PTGER3: variants seen among roughly 807,000 people sequenced by gnomAD.
The protein encoded by PTGER3 is prostaglandin E2 receptor EP3 subtype.
A neutral mutation model predicts 34.7 loss-of-function variants in PTGER3; 22 were observed. The ratio of observed to expected loss-of-function variants is 0.63; its 90% CI spans 0.45 to 0.91. The LOEUF (loss-of-function observed/expected upper bound fraction) is 0.91. PTGER3 is among the 40% of genes least tolerant of loss of function. PTGER3 has a pLI of 0.00. For synonymous variants in PTGER3, 241 were observed against 230.1 expected (o/e 1.05, Z -0.43); for missense variants, 468 against 519.4 (o/e 0.90, Z 0.96).
chr1:70,913,121 A>G (rs1029460101), intron 4 of PTGER3, among the ~76,000 whole-genome samples: 1 of 151,960 alleles, frequency 6.6e-6, no homozygotes, highest in African/African-American at 2.4e-5. Flanking sequence ...TCATTTTGTG[A>G]ACACAGTATA....
intron 4 of PTGER3, among the ~76,000 whole-genome samples, chr1:70,935,672 A>AATATATATATATATATATATATATAT (rs10577850): frequency 2.1e-4 from 29 of 140,214 alleles, no homozygotes; most frequent in African/African-American, 7.1e-4. Flanking sequence ...TACAAATATA[A>AATATATATATATATATATATATATAT]ATATATATAT....
At chr1:70,996,286 G>C (rs1158931665) in intron 2 of PTGER3, among the ~76,000 whole-genome samples, 8 of 151,568 alleles carry the variant, frequency 5.3e-5, no homozygotes, top group Non-Finnish European at 1.5e-5. Flanking sequence ...TAGTAATTAG[G>C]CTTGACTTAC....
At chr1:70,977,176 A>G (rs1653789010) in intron 2 of PTGER3, among the ~76,000 whole-genome samples, 1 of 152,106 alleles carries the variant, frequency 6.6e-6, no homozygotes, top group Non-Finnish European at 1.5e-5. Context: ...TTATTTTCCT[A>G]TGGCAATTCT....
At chr1:70,905,664 G>A (rs1045976742) in intron 4 of PTGER3, among the ~76,000 whole-genome samples, 1 of 152,016 alleles carries the variant, frequency 6.6e-6, no homozygotes, top group South Asian at 2.1e-4. Context: ...TCTACCCAAC[G>A]CCTGTACCCT....
chr1:71,037,640 A>C (rs1659955989), intron 1 of PTGER3, among the ~76,000 whole-genome samples: 2 of 152,326 alleles, frequency 1.3e-5, no homozygotes, highest in South Asian at 4.1e-4. Context: ...GGGACGATTT[A>C]ATCTATTTAG....
exon 4 of PTGER3, chr1:70,952,986 A>C (rs1250948232): frequency 6.2e-7 from 1 of 1,613,130 alleles, no homozygotes; most frequent in Non-Finnish European, 8.5e-7. Flanking sequence ...TCTGTTCAGC[A>C]CACGATAGGT....
At chr1:70,881,514 A>G (rs1437417457) in intron 4 of PTGER3, among the ~76,000 whole-genome samples, 1 of 152,156 alleles carries the variant, frequency 6.6e-6, no homozygotes, top group African/African-American at 2.4e-5. Context: ...TGTTGTTGCC[A>G]GAGTTCCTGC....
chr1:71,010,375 T>C (rs1024218007), intron 2 of PTGER3: 1 of 984,986 alleles, frequency 1.0e-6, no homozygotes, highest in Non-Finnish European at 1.2e-6. Context: ...TCATATGGTA[T>C]GTGCCTTGCC....
intron 2 of PTGER3, chr1:71,010,922 G>A (rs1185339431): frequency 1.8e-5 from 18 of 984,804 alleles, no homozygotes; most frequent in Non-Finnish European, 2.2e-5. Context: ...ACTACAAGAA[G>A]TATAAATAAA....
chr1:70,967,707 T>C (rs533181006), downstream of PTGER3, among the ~76,000 whole-genome samples: 2 of 152,184 alleles, frequency 1.3e-5, no homozygotes, highest in African/African-American at 2.4e-5. Context: ...AGAACAGTTT[T>C]CTTTGAAATG....
intron 2 of PTGER3, among the ~76,000 whole-genome samples, chr1:71,005,516 A>T (rs1656874950): frequency 6.6e-6 from 1 of 152,100 alleles, no homozygotes; most frequent in Non-Finnish European, 1.5e-5. Flanking sequence ...TGCAGCTCTG[A>T]TTATTTCCTG....
intron 4 of PTGER3, among the ~76,000 whole-genome samples, chr1:70,860,187 T>C (rs1337449666): frequency 6.6e-6 from 1 of 152,202 alleles, no homozygotes; most frequent in Non-Finnish European, 1.5e-5. Flanking sequence ...TCCTACTTTT[T>C]TCTAAGATAA....
intron 1 of PTGER3, among the ~76,000 whole-genome samples, chr1:71,040,115 A>G (rs551595876): frequency 2.6e-5 from 4 of 151,910 alleles, no homozygotes; most frequent in African/African-American, 9.7e-5. Context: ...AAAGAAAGAA[A>G]GAAAAAAAAG....
chr1:71,040,352 A>T (rs1053306896), intron 1 of PTGER3, among the ~76,000 whole-genome samples: 2 of 152,154 alleles, frequency 1.3e-5, no homozygotes, highest in Non-Finnish European at 2.9e-5. Context: ...GTAATGCCAC[A>T]GCACTTTGGG....
intron 2 of PTGER3, among the ~76,000 whole-genome samples, chr1:70,964,883 T>C (rs1652347171): frequency 6.6e-6 from 1 of 152,202 alleles, no homozygotes; most frequent in African/African-American, 2.4e-5. Flanking sequence ...CCATACACCG[T>C]GATAGACACA....
At chr1:71,034,977 T>C (rs891387158) in intron 1 of PTGER3, among the ~76,000 whole-genome samples, 41 of 152,234 alleles carry the variant, frequency 2.7e-4, no homozygotes, top group African/African-American at 9.9e-4. Context: ...CAAGAAATTT[T>C]AAAAAAAGTA....
At chr1:70,864,480 G>GAA in intron 4 of PTGER3, among the ~76,000 whole-genome samples, 1 of 152,288 alleles carries the variant, frequency 6.6e-6, no homozygotes, top group East Asian at 1.9e-4. Context: ...CATTGGAAAG[G>GAA]AAAATCAGCA....
intron 2 of PTGER3, among the ~76,000 whole-genome samples, chr1:70,979,229 T>C (rs941699179): frequency 1.3e-5 from 2 of 152,042 alleles, no homozygotes; most frequent in African/African-American, 4.8e-5. Flanking sequence ...ATGTGGTGTT[T>C]GAATGAATGA....
chr1:71,003,025 A>T (rs1304172999), intron 2 of PTGER3, among the ~76,000 whole-genome samples: 1 of 152,236 alleles, frequency 6.6e-6, no homozygotes, highest in Non-Finnish European at 1.5e-5. Context: ...ATGCTCTAAG[A>T]TTCCATTTTC....
Sources: allele counts gnomAD v4.1 joint callset (sites outside exome capture counted in the v4.1 genomes callset), GRCh38; gene constraint gnomAD v4.1.1; transcripts MANE v1.5; gene names NCBI Gene and HGNC (gene_info 2026-07-23, HGNC 2026-07-21).